Variants in FHIT observed in about 807,000 individuals in gnomAD.
FHIT encodes fragile histidine triad diadenosine triphosphatase.
In FHIT, 19 loss-of-function variants were observed where a neutral mutation model predicts 17.9. The observed-to-expected ratio is 1.06, with a 90% CI of 0.74 to 1.56. The LOEUF is 1.56. Among genes scored for constraint, FHIT ranks in the 40% most tolerant of loss-of-function variants. The pLI is 0.00. For missense variants in FHIT, 248 were observed against 189.2 expected (o/e 1.31, Z -1.82); for synonymous variants, 81 against 69.7 (o/e 1.16, Z -0.81).
chr3:60,152,506 A>C (rs1700511499), intron 5 of FHIT, among the ~76,000 whole-genome samples: 1 of 152,218 alleles, frequency 6.6e-6, no homozygotes, highest in Admixed American at 6.5e-5. Context: ...ATGTGTGTGT[A>C]TATTTCTGCC....
chr3:61,041,595 C>T (rs1386283372), intron 3 of FHIT, among the ~76,000 whole-genome samples: 1 of 151,750 alleles, frequency 6.6e-6, no homozygotes, highest in Non-Finnish European at 1.5e-5. Context: ...CTCACAATTG[C>T]TGATATCTAC....
intron 5 of FHIT, among the ~76,000 whole-genome samples, chr3:60,077,735 T>TATATATATATATAG (rs1358647245): frequency 3.2e-5 from 2 of 63,218 alleles, no homozygotes; most frequent in African/African-American, 1.3e-4. Flanking sequence ...CACACATATA[T>TATATATATATATAG]AGAGGGGGGG....
chr3:60,860,437 T>TGA (rs1455258488), intron 3 of FHIT, among the ~76,000 whole-genome samples: 1 of 134,766 alleles, frequency 7.4e-6, no homozygotes, highest in Non-Finnish European at 1.6e-5. Flanking sequence ...TACATATATA[T>TGA]CATGTATATA....
At chr3:60,401,252 G>A (rs1334665224) in intron 5 of FHIT, among the ~76,000 whole-genome samples, 2 of 152,160 alleles carry the variant, frequency 1.3e-5, no homozygotes, top group Non-Finnish European at 2.9e-5. Flanking sequence ...ATATACATGT[G>A]ATCTCCAAAG....
At chr3:60,810,406 C>T (rs1466048727) in intron 4 of FHIT, among the ~76,000 whole-genome samples, 3 of 152,074 alleles carry the variant, frequency 2.0e-5, no homozygotes, top group Admixed American at 6.5e-5. Flanking sequence ...CCCATAGGAG[C>T]GACACTACAC....
At chr3:60,566,042 T>C (rs561701965) in intron 4 of FHIT, among the ~76,000 whole-genome samples, 1 of 152,278 alleles carries the variant, frequency 6.6e-6, no homozygotes, top group Admixed American at 6.5e-5. Context: ...CAGGAGCACG[T>C]TGTTCAGTTT....
chr3:60,181,370 T>C (rs1428765608), intron 5 of FHIT, among the ~76,000 whole-genome samples: 2 of 152,120 alleles, frequency 1.3e-5, no homozygotes, highest in Non-Finnish European at 2.9e-5. Flanking sequence ...GGTCTCGAAC[T>C]CCTGACCTCA....
chr3:61,232,456 T>C (rs370542239), intron 1 of FHIT, among the ~76,000 whole-genome samples: 2 of 152,174 alleles, frequency 1.3e-5, no homozygotes, highest in South Asian at 2.1e-4. Context: ...TGAAATTCTT[T>C]AAAAGGTATG....
chr3:60,348,850 T>A (rs948834014), intron 5 of FHIT, among the ~76,000 whole-genome samples: 12 of 152,212 alleles, frequency 7.9e-5, no homozygotes, highest in Non-Finnish European at 1.5e-4. Flanking sequence ...ATGCCAGGGA[T>A]AGCCTGCTGG....
chr3:60,914,989 C>T (rs1022483060), intron 3 of FHIT, among the ~76,000 whole-genome samples: 2 of 152,184 alleles, frequency 1.3e-5, no homozygotes, highest in Non-Finnish European at 2.9e-5. Flanking sequence ...TTTCAATCTC[C>T]ACTGCAGGAA....
intron 5 of FHIT, among the ~76,000 whole-genome samples, chr3:60,176,149 A>C (rs1040871494): frequency 1.3e-5 from 2 of 152,164 alleles, no homozygotes; most frequent in South Asian, 4.1e-4. Flanking sequence ...GTCAGGAGTT[A>C]GAGACCAGCC....
At chr3:60,357,238 T>G (rs923631424) in intron 5 of FHIT, among the ~76,000 whole-genome samples, 7 of 152,108 alleles carry the variant, frequency 4.6e-5, no homozygotes, top group African/African-American at 1.7e-4. Flanking sequence ...GATGGAGTTT[T>G]TCTGTGTCGC....
chr3:61,100,222 C>G (rs1199114164), intron 2 of FHIT, among the ~76,000 whole-genome samples: 1 of 152,070 alleles, frequency 6.6e-6, no homozygotes, highest in Admixed American at 6.5e-5. Context: ...CCCCACACCC[C>G]CCGACAGGAC....
At chr3:60,606,387 C>A (rs1553671244) in intron 4 of FHIT, among the ~76,000 whole-genome samples, 1 of 151,818 alleles carries the variant, frequency 6.6e-6, no homozygotes, top group African/African-American at 2.4e-5. Flanking sequence ...ACTACAGATG[C>A]CCACTGCCAT....
At chr3:61,140,028 A>T (rs2037032801) in intron 2 of FHIT, among the ~76,000 whole-genome samples, 1 of 151,818 alleles carries the variant, frequency 6.6e-6, no homozygotes. Context: ...AAAGCAAAAA[A>T]AAAAAAAAAA....
intron 3 of FHIT, among the ~76,000 whole-genome samples, chr3:60,840,768 C>T (rs2736756): frequency 5.3e-5 from 8 of 152,148 alleles, no homozygotes; most frequent in South Asian, 2.1e-4. Context: ...AGGAGACTGA[C>T]GTTTTCTGTT....
chr3:60,428,161 A>G (rs368249992), intron 5 of FHIT, among the ~76,000 whole-genome samples: 10 of 152,290 alleles, frequency 6.6e-5, no homozygotes, highest in East Asian at 5.8e-4. Context: ...CTCAAAGTCC[A>G]ATACATGTAA....
At position 60,986,512 on chromosome 3, in the gene FHIT, T is replaced by C. The variant is rs75853182; in HGVS notation, c.-111+55535A>G. Among the ~76,000 whole-genome samples, 352 of 152,306 alleles carry C rather than the reference T, an allele frequency of 2.3e-3. 3 individuals are homozygous for C. The highest frequency in any genetic ancestry group is 7.9e-3 in the African/African-American group (328 of 41,570). On this transcript the variant is annotated intron_variant, in intron 3 of 9. Transcript: ENST00000492590. ...GATAAAACCCCAAAGTGGAGAGGTA[T>C]TGGTTAATAGGATTATCTGGATTCC...
intron 8 of FHIT, among the ~76,000 whole-genome samples, chr3:59,852,891 T>G (rs1031289236): frequency 8.5e-5 from 13 of 152,170 alleles, no homozygotes; most frequent in African/African-American, 2.9e-4. Flanking sequence ...GAAACCCTTG[T>G]TGGGATGTAC....
Sources: gnomAD v4.1 joint callset for allele counts (sites outside exome capture counted in the v4.1 genomes callset) on GRCh38, gnomAD v4.1.1 for gene constraint, MANE v1.5 for transcripts, NCBI Gene and HGNC (gene_info 2026-07-23, HGNC 2026-07-21) for gene names.